Variants in SHLD2 observed in about 807,000 individuals in gnomAD.
The protein encoded by SHLD2 is RINN1-REV7-interacting novel NHEJ regulator 2.
SHLD2 carries 30 observed loss-of-function variants against 73.2 expected under a neutral mutation model. That is an observed-to-expected ratio of 0.41 (90% CI 0.31 to 0.56). SHLD2 has a LOEUF of 0.56. SHLD2 is among the 20% of genes least tolerant of loss of function. The pLI is 0.28. For synonymous variants in SHLD2, 285 were observed against 370.1 expected (o/e 0.77, Z 2.64); for missense variants, 745 against 1,055.9 (o/e 0.71, Z 4.08).
intron 4 of SHLD2, among the ~76,000 whole-genome samples, chr10:87,159,163 A>G (rs1359330477): frequency 1.3e-5 from 2 of 152,250 alleles, no homozygotes; most frequent in Admixed American, 1.3e-4. Flanking sequence ...TATATGGAAG[A>G]TAGAGCATGG....
At chr10:87,115,091 C>T (rs1223969664) in intron 2 of SHLD2, among the ~76,000 whole-genome samples, 4 of 152,054 alleles carry the variant, frequency 2.6e-5, no homozygotes, top group Non-Finnish European at 4.4e-5. Context: ...TGCTCTGTCG[C>T]CCAGGCTGGA....
chr10:87,096,604 G>A (rs150017021), intron 1 of SHLD2, among the ~76,000 whole-genome samples: 2,117 of 152,180 alleles, frequency 0.014, 35 homozygotes, highest in South Asian at 0.056. Flanking sequence ...TCTAATGACA[G>A]TCATTAAAAC....
intron 2 of SHLD2, among the ~76,000 whole-genome samples, chr10:87,141,937 G>A (rs1213466709): frequency 6.6e-5 from 10 of 151,638 alleles, no homozygotes; most frequent in African/African-American, 9.7e-5. Context: ...AGACTGAGGC[G>A]GGAGAATTGC....
chr10:87,099,439 T>G (rs552773888), intron 2 of SHLD2, among the ~76,000 whole-genome samples: 2 of 152,386 alleles, frequency 1.3e-5, no homozygotes, highest in South Asian at 2.1e-4. Flanking sequence ...TGTGACCGTC[T>G]TCTTTCACTT....
At chr10:87,134,187 A>G (rs1001195609) in intron 2 of SHLD2, among the ~76,000 whole-genome samples, 5 of 152,218 alleles carry the variant, frequency 3.3e-5, no homozygotes, top group African/African-American at 1.2e-4. Flanking sequence ...CAGATGTACA[A>G]AATTATAAGA....
chr10:87,094,706 C>T, upstream of SHLD2: 1 of 1,502,108 alleles, frequency 6.7e-7, no homozygotes, highest in Admixed American at 2.2e-5. The surrounding 1 kb of genome is among the most constrained non-coding windows in gnomAD (Gnocchi z 6.6). Context: ...TCGGCGGACG[C>T]CGAGCCCAGG....
intron 4 of SHLD2, among the ~76,000 whole-genome samples, chr10:87,169,547 A>G (rs1399972860): frequency 6.6e-6 from 1 of 152,216 alleles, no homozygotes; most frequent in African/African-American, 2.4e-5. Context: ...GTCTAAAGGA[A>G]GGAAAGAAGA....
At chr10:87,118,375 A>G (rs1285011031) in intron 2 of SHLD2, among the ~76,000 whole-genome samples, 1 of 152,128 alleles carries the variant, frequency 6.6e-6, no homozygotes, top group East Asian at 1.9e-4. Flanking sequence ...TTTAAACAGC[A>G]TTGTTTCAGA....
At chr10:87,130,430 G>C (rs528320493) in intron 2 of SHLD2, among the ~76,000 whole-genome samples, 7 of 151,240 alleles carry the variant, frequency 4.6e-5, no homozygotes, top group African/African-American at 1.7e-4. Context: ...AGCCTCCCCC[G>C]CACCAATGTG....
chr10:87,190,315 T>G (rs1467897094), intron 9 of SHLD2, among the ~76,000 whole-genome samples, 169 bp from the exon 10 acceptor site: 1 of 152,164 alleles, frequency 6.6e-6, no homozygotes, highest in Non-Finnish European at 1.5e-5. Context: ...TGCCTCCGTC[T>G]CCCAGAGTGC....
intron 2 of SHLD2, among the ~76,000 whole-genome samples, chr10:87,140,958 A>G (rs1845147231): frequency 6.6e-6 from 1 of 151,992 alleles, no homozygotes; most frequent in Non-Finnish European, 1.5e-5. Context: ...ATAAAGCATG[A>G]CGGGAGATCC....
At chr10:87,154,606 C>T (rs1244182768) in intron 3 of SHLD2, among the ~76,000 whole-genome samples, 2 of 151,980 alleles carry the variant, frequency 1.3e-5, no homozygotes, top group African/African-American at 4.8e-5. Flanking sequence ...GTTTCGAACT[C>T]CTGTCCTCAG....
chr10:87,140,973 TCAAAA>T (rs1184340710), intron 2 of SHLD2, among the ~76,000 whole-genome samples: 5 of 151,372 alleles, frequency 3.3e-5, no homozygotes, highest in African/African-American at 7.3e-5. Context: ...AGATCCTGTC[TCAAAA>T]CAAAACAAAA....
intron 2 of SHLD2, among the ~76,000 whole-genome samples, chr10:87,098,761 G>A (rs1004165454): frequency 2.0e-5 from 3 of 151,714 alleles, no homozygotes; most frequent in Non-Finnish European, 4.4e-5. Context: ...CAGATAATTT[G>A]CAAAGTAAGG....
intron 2 of SHLD2, among the ~76,000 whole-genome samples, chr10:87,109,401 C>T (rs909097774): frequency 1.2e-4 from 18 of 151,774 alleles, no homozygotes; most frequent in East Asian, 9.7e-4. Context: ...TAGATTCAAG[C>T]GATTCTCCTG....
At chr10:87,186,941 T>C in intron 8 of SHLD2, 144 bp from the exon 9 acceptor site, 2 of 497,214 alleles carry the variant, frequency 4.0e-6, no homozygotes, top group South Asian at 8.6e-5. Flanking sequence ...CCTTCTAGGA[T>C]GTCACAGAAC....
At chr10:87,115,631 T>C (rs1340103141) in intron 2 of SHLD2, 1 of 152,024 alleles carries the variant, frequency 6.6e-6, no homozygotes, top group Non-Finnish European at 1.5e-5. Context: ...GAATTGGATA[T>C]GAGGAAGTGG....
chr10:87,152,131 T>A lies in SHLD2; in HGVS notation c.777T>A (p.Asp259Glu). 6.2e-7 allele frequency: 1 copy of A among 1,611,718 alleles called. No individual in the cohort carries two copies. The highest frequency in any genetic ancestry group is 1.1e-5 in the South Asian group (1 of 90,976). ...TTGCTTTTTTAGCTCAAAAGAAAGATAAAAGGCGGAGTCCTGTAAATAAAG... is the reference window on the plus strand; with the variant it reads ...TTGCTTTTTTAGCTCAAAAGAAAGAAAAAAGGCGGAGTCCTGTAAATAAAG... ...SQVAFLAQKK[D>E]KRRSPVNKGN... Residue 259 changes from aspartate to glutamate, a missense_variant, in exon 3 of 10, where the codon GAT (aspartate) becomes GAA (glutamate). Around this residue, in one of 5 missense-constraint regions of SHLD2, gnomAD observed 280 missense variants for 353.9 expected, o/e 0.79. Coordinates refer to ENST00000298786, the MANE Select transcript of SHLD2 (RefSeq NM_001330112.2).
chr10:87,171,471 A>G (rs992698428), intron 6 of SHLD2, among the ~76,000 whole-genome samples: 9 of 152,174 alleles, frequency 5.9e-5, no homozygotes, highest in Non-Finnish European at 1.2e-4. Context: ...GTTCAGTGTT[A>G]AAATATGACC....
Sources: gnomAD v4.1 joint callset for allele counts (sites outside exome capture counted in the v4.1 genomes callset) on GRCh38, gnomAD v4.1.1 for gene constraint, gnomAD v4.1.1 regional missense constraint, Gnocchi (gnomAD v3.1) non-coding constraint, MANE v1.5 for transcripts, NCBI Gene and HGNC (gene_info 2026-07-23, HGNC 2026-07-21) for gene names.